The following SLC35F4 variants were observed in gnomAD, a reference collection of about 807,000 sequenced individuals.
SLC35F4 encodes solute carrier family 35 member F4, also known as chromosome 14 open reading frame 36.
A neutral mutation model predicts 44.2 loss-of-function variants in SLC35F4; 24 were observed. The ratio of observed to expected loss-of-function variants is 0.54; its 90% CI spans 0.39 to 0.76. The LOEUF (loss-of-function observed/expected upper bound fraction) is 0.76. Among genes scored for constraint, SLC35F4 ranks in the 30% least tolerant of loss-of-function variants. SLC35F4 has a pLI of 0.00. For synonymous variants in SLC35F4, 238 were observed against 223.6 expected, an observed-to-expected ratio of 1.06 and a Z score of -0.57; for missense variants, 562 against 586.1, an observed-to-expected ratio of 0.96 and a Z score of 0.42.
chr14:57,893,844 G>C (rs564957018), intron 1 of SLC35F4, among the ~76,000 whole-genome samples: 2 of 151,060 alleles, frequency 1.3e-5, no homozygotes, highest in South Asian at 4.2e-4. Context: ...CTCAAAATAC[G>C]TTCTGAGTAT....
At chr14:57,868,709 C>A (rs1043552587), upstream of SLC35F4, among the ~76,000 whole-genome samples, 1 of 152,092 alleles carries the variant, frequency 6.6e-6, no homozygotes, top group African/African-American at 2.4e-5. Context: ...AACTCCTGAC[C>A]TCAGGTGATT....
chr14:57,814,514 GAC>G (rs923289915), intron 1 of SLC35F4, among the ~76,000 whole-genome samples: 1 of 152,172 alleles, frequency 6.6e-6, no homozygotes, highest in Non-Finnish European at 1.5e-5. Flanking sequence ...TGCAAACTCT[GAC>G]GCTTTCCCTA....
chr14:57,814,809 A>G (rs1444493497), intron 1 of SLC35F4, among the ~76,000 whole-genome samples: 1 of 152,224 alleles, frequency 6.6e-6, no homozygotes, highest in Non-Finnish European at 1.5e-5. Flanking sequence ...CAGCGAACAT[A>G]AATTAAATGA....
chr14:57,622,073 G>T (rs373127868), intron 1 of SLC35F4, among the ~76,000 whole-genome samples: 3 of 146,706 alleles, frequency 2.0e-5, no homozygotes, highest in African/African-American at 7.6e-5. Flanking sequence ...AAAAATGCTC[G>T]CCATCACTGG....
chr14:57,873,304 G>T (rs898045092), intron 1 of SLC35F4, among the ~76,000 whole-genome samples: 5 of 152,088 alleles, frequency 3.3e-5, no homozygotes, highest in African/African-American at 9.7e-5. Flanking sequence ...CGCCAAGGGG[G>T]AAAAGAGCCT....
At chr14:57,568,600 T>G (rs965601123) in intron 6 of SLC35F4, among the ~76,000 whole-genome samples, 6 of 152,132 alleles carry the variant, frequency 3.9e-5, no homozygotes, top group Non-Finnish European at 8.8e-5. Flanking sequence ...TTCTCTTGAG[T>G]GTTTTCTGTC....
intron 1 of SLC35F4, among the ~76,000 whole-genome samples, chr14:57,946,721 C>G (rs1890038924): frequency 1.3e-5 from 2 of 152,044 alleles, no homozygotes; most frequent in African/African-American, 4.8e-5. Context: ...AGTGATCTAC[C>G]TGCCTTGGCC....
At chr14:57,645,188 T>C (rs867909230) in intron 1 of SLC35F4, among the ~76,000 whole-genome samples, 20 of 152,324 alleles carry the variant, frequency 1.3e-4, no homozygotes, top group African/African-American at 4.8e-4. Flanking sequence ...GGGGATGGCA[T>C]TGAATCTATA....
chr14:57,814,069 G>A (rs1882292391), intron 1 of SLC35F4, among the ~76,000 whole-genome samples: 1 of 152,204 alleles, frequency 6.6e-6, no homozygotes, highest in African/African-American at 2.4e-5. Context: ...CTGTATGTAT[G>A]TATTGAACTT....
intron 1 of SLC35F4, among the ~76,000 whole-genome samples, chr14:57,881,785 G>C (rs1007273383): frequency 6.6e-6 from 1 of 151,930 alleles, no homozygotes; most frequent in Non-Finnish European, 1.5e-5. Context: ...TAGATTTGGG[G>C]TTTTTTTAAA....
chr14:57,597,554 A>G (rs1276585114), intron 1 of SLC35F4, among the ~76,000 whole-genome samples: 1 of 152,230 alleles, frequency 6.6e-6, no homozygotes, highest in African/African-American at 2.4e-5. Context: ...CATGTAACCA[A>G]TTAGCCACAG....
intron 1 of SLC35F4, among the ~76,000 whole-genome samples, chr14:57,887,196 A>G (rs751663270): frequency 6.6e-6 from 1 of 152,182 alleles, no homozygotes; most frequent in Non-Finnish European, 1.5e-5. Flanking sequence ...AGTCTTGAGC[A>G]AAAATCCGGG....
intron 1 of SLC35F4, among the ~76,000 whole-genome samples, chr14:57,770,827 T>C (rs1595013712): frequency 6.6e-6 from 1 of 152,320 alleles, no homozygotes; most frequent in African/African-American, 2.4e-5. Context: ...AGTTACAGTA[T>C]AGGATAGTAC....
intron 1 of SLC35F4, among the ~76,000 whole-genome samples, chr14:57,922,776 A>G (rs1594626925): frequency 6.6e-6 from 1 of 152,092 alleles, no homozygotes; most frequent in Non-Finnish European, 1.5e-5. Context: ...GTGTCTCTGG[A>G]CTTTGATTTC....
upstream of SLC35F4, chr14:57,982,091 A>AC (rs1881397968): frequency 6.6e-6 from 1 of 151,972 alleles, no homozygotes; most frequent in Non-Finnish European, 1.5e-5. Context: ...TCGGCTCCTC[A>AC]CCCCCTTTCC....
rs937692537 is a variant in SLC35F4, at chr14:57,702,330, T to G, written c.104-108206A>C. Among the ~76,000 whole-genome samples, 13 of 66,050 alleles carry G rather than the reference T, an allele frequency of 2.0e-4. No homozygotes were observed. In the East Asian group the frequency reaches 4.4e-3, roughly 22 times the overall value. The allele number at this position is 66,050 out of a possible 152,430, so 43.3% of individuals were successfully genotyped here. Reference sequence around the variant, plus strand: ...TATGCCCAAATAAATATCATTTTCTTTAAAAAAAAAAAAAAAAAAAGGAAA... The same window carrying G: ...TATGCCCAAATAAATATCATTTTCTGTAAAAAAAAAAAAAAAAAAAGGAAA... On this transcript the variant is annotated intron_variant, in intron 1 of 7. Coordinates refer to ENST00000556826, the MANE Select transcript of SLC35F4 (RefSeq NM_001306087.2).
intron 1 of SLC35F4, among the ~76,000 whole-genome samples, chr14:57,920,515 A>G (rs1316332980): frequency 1.3e-5 from 2 of 152,156 alleles, no homozygotes; most frequent in Non-Finnish European, 2.9e-5. Flanking sequence ...CAAGGCTGCA[A>G]TGAGCAATGA....
At chr14:57,694,388 AT>A (rs1440611731) in intron 1 of SLC35F4, among the ~76,000 whole-genome samples, 1 of 152,226 alleles carries the variant, frequency 6.6e-6, no homozygotes, top group African/African-American at 2.4e-5. Flanking sequence ...AGGATCAGAT[AT>A]CACTTTTTGT....
intron 1 of SLC35F4, among the ~76,000 whole-genome samples, chr14:57,849,230 G>A (rs903617488): frequency 1.1e-4 from 16 of 152,216 alleles, no homozygotes; most frequent in South Asian, 4.1e-4. Flanking sequence ...GCATGATCTC[G>A]AGCTCACTGC....
Sources: allele counts gnomAD v4.1 joint callset (sites outside exome capture counted in the v4.1 genomes callset), GRCh38; gene constraint gnomAD v4.1.1; transcripts MANE v1.5; gene names NCBI Gene and HGNC (gene_info 2026-07-23, HGNC 2026-07-21).